KANK3: variants seen among roughly 807,000 people sequenced by gnomAD.
The protein encoded by KANK3 is KN motif and ankyrin repeat domain-containing protein 3.
Under a neutral mutation model 65.4 loss-of-function variants are expected in KANK3, and 61 were observed. That is an observed-to-expected ratio of 0.93 (90% CI 0.76 to 1.15). KANK3 has a LOEUF of 1.15. KANK3 is among the 50% of genes most tolerant of loss of function. The pLI is 0.00. For missense variants in KANK3, 1,187 were observed against 1,178.8 expected, an observed-to-expected ratio of 1.01 and a Z score of -0.10; for synonymous variants, 586 against 543.3, an observed-to-expected ratio of 1.08 and a Z score of -1.09.
chr19:8,326,951 T>C (rs1029899051), intron 7 of KANK3, among the ~76,000 whole-genome samples: 1 of 152,100 alleles, frequency 6.6e-6, no homozygotes. Context: ...AAACGTGAGC[T>C]CAGTTTCCTC....
Position 8,324,742 on chromosome 19 carries a change from G to T in KANK3, c.2171C>A (p.Ala724Glu). The T allele has an allele frequency of 1.9e-6, 3 of 1,614,032 alleles. No individual in the cohort carries two copies. Among genetic ancestry groups the T allele is most frequent in the South Asian group, 1.1e-5 (1 of 91,086 alleles). ...CGCTGTGGCCCCATCCGCATCCTGC[G>T]CATTCACATCAGCCCCACACGCCAG... ...TLLACGADVN[A>E]QDADGATALM... is the part of the protein sequence containing the mutation. Residue 724 changes from alanine (A) to glutamate (E), a missense_variant, in exon 9 of 11, where the codon GCG (alanine) becomes GAG (glutamate). By Grantham distance (107) the Ala-to-Glu change is moderately radical. Coordinates refer to ENST00000330915, the MANE Select transcript of KANK3 (RefSeq NM_198471.3).
At chr19:8,341,223 CT>C (rs34406874) in intron 1 of KANK3, among the ~76,000 whole-genome samples, 24,190 of 138,570 alleles carry the variant, frequency 0.17, 2,207 homozygotes, top group Non-Finnish European at 0.21. Flanking sequence ...TGGATATTTA[CT>C]TTTTTTTTTT....
chr19:8,336,375 T>G (rs1409994549), intron 2 of KANK3, among the ~76,000 whole-genome samples: 1 of 147,550 alleles, frequency 6.8e-6, no homozygotes, highest in Non-Finnish European at 1.5e-5. Flanking sequence ...AGGCGGAGTT[T>G]GAGGTGAGCC....
intron 2 of KANK3, among the ~76,000 whole-genome samples, chr19:8,336,770 A>G (rs1036667386): frequency 4.2e-5 from 6 of 143,192 alleles, no homozygotes; most frequent in Admixed American, 7.1e-5. Flanking sequence ...TGGCGAGGGG[A>G]AGCCCTGCAC....
intron 7 of KANK3, among the ~76,000 whole-genome samples, chr19:8,328,152 C>T (rs1412353882): frequency 6.6e-6 from 1 of 152,030 alleles, no homozygotes; most frequent in Non-Finnish European, 1.5e-5. Flanking sequence ...GTGGAGAACG[C>T]CTGTAATCCC....
chr19:8,328,999 C>A (rs1223070792), intron 7 of KANK3, among the ~76,000 whole-genome samples: 1 of 146,212 alleles, frequency 6.8e-6, no homozygotes, highest in African/African-American at 2.6e-5. Flanking sequence ...GAAACCCCAT[C>A]TCTACTAAAA....
At chr19:8,323,600 G>T (rs930288994) in intron 10 of KANK3, 8 of 152,024 alleles carry the variant, frequency 5.3e-5, no homozygotes, top group Non-Finnish European at 7.4e-5. Context: ...GGGCATGGTA[G>T]CACGTGCCTG....
intron 7 of KANK3, 83 bp downstream of exon 7, chr19:8,332,931 C>G: frequency 8.6e-7 from 1 of 1,158,474 alleles, no homozygotes; most frequent in Non-Finnish European, 1.3e-6. Flanking sequence ...CTTTCCTCTC[C>G]AGAGTCTTTG....
At position 8,328,243 on chromosome 19, in the gene KANK3, T is replaced by G. The variant is rs140281084; in HGVS notation, c.1937-3147A>C. On this transcript the variant is annotated intron_variant, in intron 7 of 10. Transcript: ENST00000330915. ...GCCTGAGCAACATGGTGAAACCCCA[T>G]GCCTACAAAAAAATTTAAAAAGAAT... Among the ~76,000 whole-genome samples the G allele has an allele frequency of 6.4e-4, 97 of 152,178 alleles. No homozygotes were observed. In the East Asian group the frequency reaches 0.018, roughly 28 times the overall value.
intron 1 of KANK3, among the ~76,000 whole-genome samples, chr19:8,338,799 C>T (rs928590470): frequency 1.0e-4 from 15 of 144,174 alleles, no homozygotes; most frequent in Admixed American, 5.9e-4. Flanking sequence ...GGCGTGAACC[C>T]GGGAGGCGGA....
At position 8,337,715 on chromosome 19, in the gene KANK3, G is replaced by T. The variant is rs368604858; in HGVS notation, c.34+80C>A. The T allele has an allele frequency of 1.5e-3, 2,275 of 1,515,768 alleles. 2 individuals carry two copies. Among genetic ancestry groups the T allele is most frequent in the Non-Finnish European group, 1.8e-3 (2,002 of 1,100,606 alleles). The allele number at this position is 1,515,768 out of a possible 1,614,324, so 93.9% of individuals were successfully genotyped here. On this transcript the variant is annotated intron_variant, in intron 2 of 10. Transcript: ENST00000330915. The stretch of plus-strand genomic sequence containing the variant: ...AGAGGACTGCACTCTAGGGCTGTAG[G>T]CTGCGTCCACACACAAGGGCATCAA...
At chr19:8,332,895 G>A in intron 7 of KANK3, 119 bp downstream of exon 7, 1 of 681,332 alleles carries the variant, frequency 1.5e-6, no homozygotes, top group Non-Finnish European at 2.7e-6. Flanking sequence ...GAGGAGTGGT[G>A]CCCTGTGCTG....
chr19:8,332,812 T>G (rs1044066307), intron 7 of KANK3: 4 of 243,306 alleles, frequency 1.6e-5, no homozygotes, highest in Non-Finnish European at 2.9e-5. Context: ...TGAAACTCCG[T>G]CTCAAAAATA....
Position 8,337,837 on chromosome 19 carries a change from C to T in KANK3, c.-9G>A, listed in dbSNP as rs765161554. The T allele has an allele frequency of 6.2e-7, 1 of 1,613,450 alleles. No homozygotes were observed. The highest frequency in any genetic ancestry group is 8.5e-7 in the Non-Finnish European group (1 of 1,179,986). ...AGGGCAAACTTGGCCATGTTTCCTG[C>T]AGCAGCTGTCAGAGGCACCCTGCAA... On this transcript the variant is annotated 5_prime_UTR_variant, in exon 2 of 11. Coordinates refer to ENST00000330915, the MANE Select transcript of KANK3 (RefSeq NM_198471.3).
chr19:8,342,524 G>T (rs754978885), intron 1 of KANK3, among the ~76,000 whole-genome samples: 3 of 152,156 alleles, frequency 2.0e-5, no homozygotes, highest in Non-Finnish European at 4.4e-5. Flanking sequence ...CCGCCCCAGG[G>T]ACTATTTTGG....
At chr19:8,327,748 A>G (rs923793908) in intron 7 of KANK3, among the ~76,000 whole-genome samples, 1 of 152,078 alleles carries the variant, frequency 6.6e-6, no homozygotes, top group Non-Finnish European at 1.5e-5. Flanking sequence ...ACGCCACTAC[A>G]CCCCAGCCTG....
Position 8,334,850 on chromosome 19 carries a change from C to T in KANK3, c.977G>A (p.Gly326Asp), listed in dbSNP as rs1970601413. ...AQAVPETREA[G>D]VEAAPETVEA... ...CACGGTCTCGGGGGCAGCCTCCACGCCGGCCTCCCGGGTCTCCGGCACGGC... is the reference window on the plus strand; with the variant it reads ...CACGGTCTCGGGGGCAGCCTCCACGTCGGCCTCCCGGGTCTCCGGCACGGC... The change falls in exon 3 of 11, where the codon GGC becomes GAC. Residue 326 changes from glycine to aspartate, a missense_variant. Physicochemically the swap from Gly to Asp is moderately conservative, Grantham distance 94. Coordinates refer to ENST00000330915, the MANE Select transcript of KANK3 (RefSeq NM_198471.3). 2.0e-6 allele frequency: 3 copies of T among 1,468,912 alleles called. No homozygotes were observed. Among genetic ancestry groups the T allele is most frequent in the Non-Finnish European group, 2.7e-6 (3 of 1,119,586 alleles). The allele number at this position is 1,468,912 out of a possible 1,614,324, so 91.0% of individuals were successfully genotyped here.
At chr19:8,323,126 C>G in intron 10 of KANK3, 1 of 428,586 alleles carries the variant, frequency 2.3e-6, no homozygotes, top group East Asian at 3.7e-5. Flanking sequence ...TACAGGTGTT[C>G]CTCAGTTTAC....
Position 8,334,756 on chromosome 19 carries a change from CAG to C in KANK3, c.1069_1070del (p.Leu357AlafsTer13). 1 of 1,525,430 alleles carries C rather than the reference CAG, an allele frequency of 6.6e-7. No individual in the cohort carries two copies. The highest frequency in any genetic ancestry group is 8.7e-7 in the Non-Finnish European group (1 of 1,143,848). 94.5% of individuals were successfully genotyped at this position (1,525,430 alleles called of 1,614,324 possible). On this transcript the variant is annotated frameshift_variant, in exon 3 of 11. Coordinates refer to ENST00000330915, the MANE Select transcript of KANK3 (RefSeq NM_198471.3). LOFTEE classifies it high-confidence loss of function. ...LPAAAERELE[L>X]LRASLEHQRG... is the part of the protein sequence containing the mutation. ...GCTGGTGCTCCAGACTGGCGCGCAG[CAG>C]CTCTAGCTCGCGCTCGGCGGCCGCA...
Sources: gnomAD v4.1 joint callset for allele counts (sites outside exome capture counted in the v4.1 genomes callset) on GRCh38, gnomAD v4.1.1 for gene constraint, MANE v1.5 for transcripts, NCBI Gene and HGNC (gene_info 2026-07-23, HGNC 2026-07-21) for gene names.